The following DRD4 variants were observed in gnomAD, a reference collection of about 807,000 sequenced individuals.
DRD4 encodes dopamine receptor D4.
In DRD4, 26 loss-of-function variants were observed where a neutral mutation model predicts 22.1. The observed-to-expected ratio is 1.17, with a 90% CI of 0.86 to 1.63. The LOEUF is 1.63. DRD4 is among the 40% of genes most tolerant of loss of function. The probability of loss-of-function intolerance (pLI) is 0.00; values close to 1 mark genes in which losing one functional copy is unlikely to be tolerated. For missense variants in DRD4, 913 were observed against 632.4 expected, an observed-to-expected ratio of 1.44 and a Z score of -4.76; for synonymous variants, 455 against 306.7, an observed-to-expected ratio of 1.48 and a Z score of -5.05.
intron 1 of DRD4, chr11:639,149 G>A (rs1858137910): frequency 2.1e-6 from 1 of 477,974 alleles, no homozygotes; most frequent in African/African-American, 2.0e-5. Context: ...CAGCTACTCT[G>A]GAGACTGAGG....
chr11:640,008 C>T lies in DRD4; in HGVS notation c.759C>T (p.Leu253=), dbSNP rs1468247579. ...PPSPTPPAPR[L]PQDPCGPDCA... ...CCCCCACGCCACCCGCGCCCCGCCT[C>T]CCCCAGGACCCCTGCGGCCCCGACT... is the stretch of plus-strand genomic sequence containing the variant. The change falls in exon 3 of 4, where the codon CTC becomes CTT. Residue 253 remains leucine, a synonymous_variant. Coordinates refer to ENST00000176183, the MANE Select transcript of DRD4 (RefSeq NM_000797.4). 3.2e-6 allele frequency: 4 copies of T among 1,250,950 alleles called. No individual in the cohort carries two copies. Among genetic ancestry groups the T allele is most frequent in the Admixed American group, 4.5e-5 (1 of 22,418 alleles). 77.5% of individuals were successfully genotyped at this position (1,250,950 alleles called of 1,614,324 possible). A position where few individuals can be genotyped will look rare whatever the true frequency, so the allele number is the denominator to read the frequency against.
chr11:637,997 A>G (rs1858104180), intron 1 of DRD4, among the ~76,000 whole-genome samples: 1 of 152,012 alleles, frequency 6.6e-6, no homozygotes, highest in Admixed American at 6.6e-5. Flanking sequence ...ACACACACAC[A>G]CACACACTGC....
rs1222240638 is a variant in DRD4, at chr11:640,135, C to A, written c.886C>A (p.Pro296Thr). The A allele has an allele frequency of 2.1e-6, 3 of 1,442,396 alleles. No homozygotes were observed. The highest frequency in any genetic ancestry group is 2.7e-6 in the Non-Finnish European group (3 of 1,095,266). 89.3% of individuals were successfully genotyped at this position (1,442,396 alleles called of 1,614,324 possible). The change falls in exon 3 of 4, where the codon CCC (proline) becomes ACC (threonine). Residue 296 changes from proline to threonine, a missense_variant. Pro to Thr is a conservative substitution (Grantham distance 38). Coordinates refer to ENST00000176183, the MANE Select transcript of DRD4 (RefSeq NM_000797.4). Reference protein sequence around the residue: ...PQDPCGPDCAPPAPGLPPDPC... With the variant: ...PQDPCGPDCATPAPGLPPDPC... ...GGACCCCTGCGGCCCCGACTGTGCGCCCCCCGCGCCCGGCCTCCCCCCGGA... is the reference window on the plus strand; with the variant it reads ...GGACCCCTGCGGCCCCGACTGTGCGACCCCCGCGCCCGGCCTCCCCCCGGA...
chr11:639,154 C>G lies in DRD4; in HGVS notation c.286-279C>G, dbSNP rs578157985. 1.7e-3 allele frequency: 810 copies of G among 475,538 alleles called. 5 individuals are homozygous for G. Among genetic ancestry groups the G allele is most frequent in the African/African-American group, 0.013 (636 of 50,210 alleles). The allele number at this position is 475,538 out of a possible 1,614,324, so 29.5% of individuals were successfully genotyped here. On this transcript the variant is annotated intron_variant, in intron 1 of 3. Transcript: ENST00000176183. Reference sequence around the variant, plus strand: ...GCTGTAATCCCAGCTACTCTGGAGACTGAGGTGGGAGGATCGCTTGAGCTC... The same window carrying G: ...GCTGTAATCCCAGCTACTCTGGAGAGTGAGGTGGGAGGATCGCTTGAGCTC...
rs746193982 is a variant in DRD4, at chr11:640,398, C to T, written c.1058-3C>T. The T allele has an allele frequency of 6.3e-7, 1 of 1,598,546 alleles. No individual in the cohort carries two copies. On this transcript the variant is annotated splice_region_variant and splice_polypyrimidine_tract_variant and intron_variant, in intron 3 of 3. Transcript: ENST00000176183. The stretch of plus-strand genomic sequence containing the variant: ...GCGCTAACGCGGCTCTCGGCGCCCC[C>T]AGGGGCCTTCCTGCTGTGCTGGACG...
chr11:637,531 T>C lies in DRD4; in HGVS notation c.227T>C (p.Leu76Pro), dbSNP rs955881268. ...QTPTNSFIVS[L>P]AAADLLLALL... Reference sequence around the variant, plus strand: ...CCCACCAACTCCTTCATCGTGAGCCTGGCGGCCGCCGACCTCCTCCTCGCT... The same window carrying C: ...CCCACCAACTCCTTCATCGTGAGCCCGGCGGCCGCCGACCTCCTCCTCGCT... The change falls in exon 1 of 4, where the codon CTG becomes CCG. Residue 76 changes from leucine to proline, a missense_variant. Transcript: ENST00000176183. 6 of 1,564,416 alleles carry C rather than the reference T, an allele frequency of 3.8e-6. No homozygotes were observed. Among genetic ancestry groups the C allele is most frequent in the Admixed American group, 3.7e-5 (2 of 53,660 alleles).
Position 640,417 on chromosome 11 carries a change from C to G in DRD4, c.1074C>G (p.Cys358Trp), listed in dbSNP as rs201886833. Residue 358 changes from cysteine (C) to tryptophan (W), a missense_variant, in exon 4 of 4, where the codon TGC becomes TGG. By Grantham distance (215) the Cys-to-Trp change is radical (BLOSUM62 -2). Coordinates refer to ENST00000176183, the MANE Select transcript of DRD4 (RefSeq NM_000797.4). ...LPVVVGAFLL[C>W]WTPFFVVHIT... ...CGCCCCCAGGGGCCTTCCTGCTGTG[C>G]TGGACGCCCTTCTTCGTGGTGCACA... 7.9e-5 allele frequency: 126 copies of G among 1,600,048 alleles called. No homozygotes were observed. The highest frequency in any genetic ancestry group is 1.8e-5 in the Non-Finnish European group (21 of 1,179,700).
chr11:638,491 GGAGA>G (rs895712857), intron 1 of DRD4, among the ~76,000 whole-genome samples: 1 of 152,230 alleles, frequency 6.6e-6, no homozygotes, highest in African/African-American at 2.4e-5. Flanking sequence ...CTTTGCCCTT[GGAGA>G]GAGTCACTCC....
At chr11:640,331 G>T in intron 3 of DRD4, 25 bp downstream of exon 3, 1 of 1,536,114 alleles carries the variant, frequency 6.5e-7, no homozygotes, top group East Asian at 2.4e-5. Context: ...TGAGGGGCGG[G>T]GAGGAGAGGA....
Position 640,458 on chromosome 11 carries a change from G to A in DRD4, c.1115G>A (p.Cys372Tyr). The change falls in exon 4 of 4, where the codon TGT becomes TAT. Residue 372 changes from cysteine (C) to tyrosine (Y), a missense_variant. Physicochemically the swap from Cys to Tyr is radical, Grantham distance 194 (BLOSUM62 -2). Transcript: ENST00000176183. ...GTGGTGCACATCACGCAGGCGCTGT[G>A]TCCTGCCTGCTCCGTGCCCCCGCGG... ...FFVVHITQAL[C>Y]PACSVPPRLV... 1 of 1,602,046 alleles carries A rather than the reference G, an allele frequency of 6.2e-7. No individual in the cohort carries two copies. The highest frequency in any genetic ancestry group is 1.1e-5 in the South Asian group (1 of 91,074).
Position 639,743 on chromosome 11 carries a change from C to T in DRD4, c.494C>T (p.Ala165Val). The change falls in exon 3 of 4, where the codon GCG becomes GTG. Residue 165 changes from alanine to valine, a missense_variant. By Grantham distance (64) the Ala-to-Val change is moderately conservative (BLOSUM62 0). Transcript: ENST00000176183. ...GGCGCCACGTGGCTGCTGTCCGCGG[C>T]GGTGGCGGCGCCCGTACTGTGCGGC... ...LIGATWLLSA[A>V]VAAPVLCGLN... 2 of 1,535,864 alleles carry T rather than the reference C, an allele frequency of 1.3e-6. No homozygotes were observed. Among genetic ancestry groups the T allele is most frequent in the African/African-American group, 1.4e-5 (1 of 70,378 alleles).
chr11:639,828 G>A lies in DRD4; in HGVS notation c.579G>A (p.Val193=), dbSNP rs1858167283. ...AVCRLEDRDY[V]VYSSVCSFFL... ...GCCGCCTGGAGGACCGCGACTACGTGGTCTACTCGTCCGTGTGCTCCTTCT... is the reference window on the plus strand; with the variant it reads ...GCCGCCTGGAGGACCGCGACTACGTAGTCTACTCGTCCGTGTGCTCCTTCT... The change falls in exon 3 of 4, where the codon GTG becomes GTA. Residue 193 remains valine (V), a synonymous_variant. Transcript: ENST00000176183. 5 of 1,585,178 alleles carry A rather than the reference G, an allele frequency of 3.2e-6. No individual in the cohort carries two copies. In the South Asian group the frequency reaches 3.3e-5, roughly 11 times the overall value.
intron 1 of DRD4, 41 bp from the exon 2 acceptor site, chr11:639,392 G>T (rs746073006): frequency 1.5e-5 from 23 of 1,538,888 alleles, no homozygotes; most frequent in Non-Finnish European, 1.8e-5. Context: ...AAGGGCCCGC[G>T]GTGGCTGGGA....
In DRD4 at chr11:640,663, G is replaced by A. The variant is rs910099528; in HGVS notation, c.*60G>A. ...CCAGGCCTCAGGGACCAAGGAGATGGGGAGGGCGCTTTTGTACGTTAATTA... is the reference window on the plus strand; with the variant it reads ...CCAGGCCTCAGGGACCAAGGAGATGAGGAGGGCGCTTTTGTACGTTAATTA... On this transcript the variant is annotated 3_prime_UTR_variant, in exon 4 of 4. Coordinates refer to ENST00000176183, the MANE Select transcript of DRD4 (RefSeq NM_000797.4). 1.3e-5 allele frequency: 20 copies of A among 1,578,364 alleles called. No homozygotes were observed. Among genetic ancestry groups the A allele is most frequent in the Middle Eastern group, 1.7e-4 (1 of 6,034 alleles).
intron 1 of DRD4, among the ~76,000 whole-genome samples, chr11:638,905 G>A (rs1483694317): frequency 6.6e-6 from 1 of 152,170 alleles, no homozygotes; most frequent in Non-Finnish European, 1.5e-5. Context: ...AACATACCAG[G>A]CCTGGTCTCT....
Position 639,899 on chromosome 11 carries a change from G to T in DRD4, c.650G>T (p.Arg217Leu). 1 of 1,574,588 alleles carries T rather than the reference G, an allele frequency of 6.4e-7. No individual in the cohort carries two copies. The change falls in exon 3 of 4, where the codon CGC (arginine) becomes CTC (leucine). Residue 217 changes from arginine to leucine, a missense_variant. By Grantham distance (102) the Arg-to-Leu change is moderately radical (BLOSUM62 -2). Transcript: ENST00000176183. ...LMLLLYWATF[R>L]GLQRWEVARR... is the part of the protein sequence containing the mutation. Reference sequence around the variant, plus strand: ...CTGCTGCTCTACTGGGCCACGTTCCGCGGCCTGCAGCGCTGGGAGGTGGCA... The same window carrying T: ...CTGCTGCTCTACTGGGCCACGTTCCTCGGCCTGCAGCGCTGGGAGGTGGCA...
At position 639,633 on chromosome 11, in the gene DRD4, C is replaced by T; in HGVS notation, c.399-15C>T. On this transcript the variant is annotated splice_polypyrimidine_tract_variant and intron_variant, in intron 2 of 3. Transcript: ENST00000176183. ...GCCTGTGCGCTGTCCGGCGCCCCCTCGGCGCTCCCCGCAGGTTCGTGGCCG... is the reference window on the plus strand; with the variant it reads ...GCCTGTGCGCTGTCCGGCGCCCCCTTGGCGCTCCCCGCAGGTTCGTGGCCG... 7.0e-6 allele frequency: 10 copies of T among 1,421,488 alleles called. No homozygotes were observed. The highest frequency in any genetic ancestry group is 9.2e-6 in the Non-Finnish European group (10 of 1,086,966). 88.1% of individuals were successfully genotyped at this position (1,421,488 alleles called of 1,614,324 possible).
rs983004340 is a variant in DRD4, at chr11:640,658, A to G, written c.*55A>G. Reference sequence around the variant, plus strand: ...GATGGCCAGGCCTCAGGGACCAAGGAGATGGGGAGGGCGCTTTTGTACGTT... The same window carrying G: ...GATGGCCAGGCCTCAGGGACCAAGGGGATGGGGAGGGCGCTTTTGTACGTT... On this transcript the variant is annotated 3_prime_UTR_variant, in exon 4 of 4. Coordinates refer to ENST00000176183, the MANE Select transcript of DRD4 (RefSeq NM_000797.4). 2.5e-6 allele frequency: 4 copies of G among 1,586,632 alleles called. No homozygotes were observed. The Middle Eastern group carries it at 5.0e-4, about 197-fold the overall frequency.
rs1362775428 is a variant in DRD4, at chr11:639,790, G to A, written c.541G>A (p.Asp181Asn). 11 of 1,579,350 alleles carry A rather than the reference G, an allele frequency of 7.0e-6. No individual in the cohort carries two copies. The highest frequency in any genetic ancestry group is 2.2e-5 in the South Asian group (2 of 89,054). Reference sequence around the variant, plus strand: ...CGGCCTCAACGACGTGCGCGGCCGCGACCCCGCCGTGTGCCGCCTGGAGGA... The same window carrying A: ...CGGCCTCAACGACGTGCGCGGCCGCAACCCCGCCGTGTGCCGCCTGGAGGA... ...LCGLNDVRGRDPAVCRLEDRD... is the reference protein window; with the variant it reads ...LCGLNDVRGRNPAVCRLEDRD... Residue 181 changes from aspartate (D) to asparagine (N), a missense_variant, in exon 3 of 4, where the codon GAC becomes AAC. Asp to Asn is a conservative substitution (Grantham distance 23, BLOSUM62 1). Coordinates refer to ENST00000176183, the MANE Select transcript of DRD4 (RefSeq NM_000797.4).
Sources: allele counts gnomAD v4.1 joint callset (sites outside exome capture counted in the v4.1 genomes callset), GRCh38; gene constraint gnomAD v4.1.1; transcripts MANE v1.5; gene names NCBI Gene and HGNC (gene_info 2026-07-23, HGNC 2026-07-21).